Variants in ZNF804B observed in about 807,000 individuals in gnomAD.
ZNF804B encodes the protein zinc finger 804B.
Under a neutral mutation model 101.4 loss-of-function variants are expected in ZNF804B, and 80 were observed. That is an observed-to-expected ratio of 0.79 (90% CI 0.66 to 0.95). The LOEUF (loss-of-function observed/expected upper bound fraction) is 0.95, where lower values mean the gene tolerates loss of function less well. Among genes scored for constraint, ZNF804B ranks in the 40% least tolerant of loss-of-function variants. ZNF804B has a pLI of 0.00. For missense variants in ZNF804B, 1,673 were observed against 1,561.9 expected (o/e 1.07, Z -1.20); for synonymous variants, 622 against 558.8 (o/e 1.11, Z -1.59).
intron 1 of ZNF804B, among the ~76,000 whole-genome samples, chr7:88,823,971 A>G (rs971781550): frequency 6.6e-6 from 1 of 152,172 alleles, no homozygotes; most frequent in Admixed American, 6.6e-5. Context: ...ACAGCTGCAG[A>G]TGGCAACTCA....
intron 1 of ZNF804B, among the ~76,000 whole-genome samples, chr7:88,875,765 A>C (rs950027938): frequency 6.6e-6 from 1 of 152,216 alleles, no homozygotes; most frequent in Non-Finnish European, 1.5e-5. Context: ...ATCTGAAACT[A>C]TTCCAATCAA....
intron 1 of ZNF804B, among the ~76,000 whole-genome samples, chr7:89,120,189 C>T (rs1790379033): frequency 6.6e-6 from 1 of 152,020 alleles, no homozygotes; most frequent in Admixed American, 6.5e-5. Context: ...TAGGCCGAGG[C>T]AGGAGAATTG....
Position 89,195,038 on chromosome 7 carries a change from T to C in ZNF804B, c.109-23117T>C, listed in dbSNP as rs573141817. ...TGGGATGCAAGGCTGGTTCAATATA[T>C]GCAAATCAATAAATGTAATCCAGCA... On this transcript the variant is annotated intron_variant, in intron 1 of 3. Coordinates refer to ENST00000333190, the MANE Select transcript of ZNF804B (RefSeq NM_181646.5). Among the ~76,000 whole-genome samples, 629 of 151,794 alleles carry C rather than the reference T, an allele frequency of 4.1e-3. 3 individuals carry two copies. The highest frequency in any genetic ancestry group is 0.014 in the African/African-American group (596 of 41,410).
chr7:89,114,550 T>C (rs1032679529), intron 1 of ZNF804B, among the ~76,000 whole-genome samples: 7 of 152,236 alleles, frequency 4.6e-5, no homozygotes, highest in African/African-American at 1.4e-4. Flanking sequence ...TTGAATGATA[T>C]CTGGTGCCAC....
chr7:89,161,608 C>T (rs964297426), intron 1 of ZNF804B, among the ~76,000 whole-genome samples: 6 of 151,898 alleles, frequency 4.0e-5, no homozygotes, highest in African/African-American at 1.2e-4. Flanking sequence ...AGACTGGTCT[C>T]AAAGTCCTGG....
At chr7:88,848,415 G>T (rs1358732265) in intron 1 of ZNF804B, among the ~76,000 whole-genome samples, 2 of 152,094 alleles carry the variant, frequency 1.3e-5, no homozygotes, top group Non-Finnish European at 2.9e-5. Flanking sequence ...AAACACAACT[G>T]CATAGGTGTG....
intron 1 of ZNF804B, among the ~76,000 whole-genome samples, chr7:88,881,453 A>C (rs949919542): frequency 6.6e-6 from 1 of 152,166 alleles, no homozygotes; most frequent in Non-Finnish European, 1.5e-5. Context: ...TTAAATAAGA[A>C]TGCAGAGATT....
chr7:89,295,897 CAT>C (rs1159380145), intron 2 of ZNF804B, among the ~76,000 whole-genome samples: 1 of 152,046 alleles, frequency 6.6e-6, no homozygotes, highest in Admixed American at 6.6e-5. Flanking sequence ...TAAAGTAACA[CAT>C]GAGTGGAAAA....
At chr7:88,915,088 G>A (rs1792613071) in intron 1 of ZNF804B, among the ~76,000 whole-genome samples, 2 of 151,990 alleles carry the variant, frequency 1.3e-5, no homozygotes, top group African/African-American at 4.8e-5. Context: ...GAAATATTAT[G>A]TGTATACTTT....
At chr7:89,010,629 A>G (rs1788441975) in intron 1 of ZNF804B, among the ~76,000 whole-genome samples, 1 of 152,196 alleles carries the variant, frequency 6.6e-6, no homozygotes, top group South Asian at 2.1e-4. Context: ...AGAAAGGCAA[A>G]TCTTTCTGTA....
intron 2 of ZNF804B, among the ~76,000 whole-genome samples, chr7:89,258,657 TAGCCATTAAA>T (rs1201842879): frequency 6.6e-6 from 1 of 152,086 alleles, no homozygotes; most frequent in Non-Finnish European, 1.5e-5. Flanking sequence ...CTCAAAAACT[TAGCCATTAAA>T]AGTCTACTGT....
At chr7:89,177,144 C>T (rs1047738157) in intron 1 of ZNF804B, among the ~76,000 whole-genome samples, 4 of 151,924 alleles carry the variant, frequency 2.6e-5, no homozygotes, top group African/African-American at 4.8e-5. Context: ...TTTATATTTT[C>T]TCTACTAATT....
chr7:89,030,485 CAT>C (rs1221871696), intron 1 of ZNF804B, among the ~76,000 whole-genome samples: 2 of 151,752 alleles, frequency 1.3e-5, no homozygotes, highest in Non-Finnish European at 2.9e-5. Context: ...AAGATGAAAA[CAT>C]GTAGATTTAT....
intron 1 of ZNF804B, among the ~76,000 whole-genome samples, chr7:89,016,014 G>T (rs1334464125): frequency 6.6e-5 from 10 of 152,266 alleles, no homozygotes; most frequent in South Asian, 2.1e-4. Context: ...TCCTGGCTTT[G>T]TAATGATTGC....
At chr7:88,899,456 A>G (rs1335236040) in intron 1 of ZNF804B, among the ~76,000 whole-genome samples, 1 of 152,128 alleles carries the variant, frequency 6.6e-6, no homozygotes, top group Non-Finnish European at 1.5e-5. Context: ...TTGTCACTGT[A>G]TCACCCAGCT....
chr7:88,948,305 C>CTT (rs1793168520), intron 1 of ZNF804B, among the ~76,000 whole-genome samples: 1 of 116,548 alleles, frequency 8.6e-6, no homozygotes. Context: ...GCCACCCATC[C>CTT]ATTTTTTTTT....
chr7:89,321,158 A>G (rs976403475), intron 2 of ZNF804B, among the ~76,000 whole-genome samples: 5 of 149,744 alleles, frequency 3.3e-5, no homozygotes, highest in African/African-American at 1.2e-4. Context: ...AATGGATCAT[A>G]TTATAGAATT....
chr7:89,218,563 T>G (rs888419590), intron 2 of ZNF804B, among the ~76,000 whole-genome samples: 2 of 152,144 alleles, frequency 1.3e-5, no homozygotes, highest in Admixed American at 6.6e-5. Flanking sequence ...AGTTAACCCT[T>G]AAACAACACA....
chr7:88,925,924 G>C (rs1052048558), intron 1 of ZNF804B, among the ~76,000 whole-genome samples: 1 of 152,158 alleles, frequency 6.6e-6, no homozygotes, highest in Admixed American at 6.6e-5. Context: ...ATTGTGACAT[G>C]CTTCCTATGC....
Sources: gnomAD v4.1 joint callset for allele counts (sites outside exome capture counted in the v4.1 genomes callset) on GRCh38, gnomAD v4.1.1 for gene constraint, MANE v1.5 for transcripts, NCBI Gene and HGNC (gene_info 2026-07-23, HGNC 2026-07-21) for gene names.